Variants in TGFBRAP1 observed in about 807,000 individuals in gnomAD.
TGFBRAP1 encodes transforming growth factor beta receptor associated protein 1.
In TGFBRAP1, 20 loss-of-function variants were observed where a neutral mutation model predicts 83.2. The ratio of observed to expected loss-of-function variants is 0.24; its 90% confidence interval spans 0.17 to 0.35. The LOEUF is 0.35. Ranked by LOEUF, TGFBRAP1 falls within the 10% of genes least tolerant of loss-of-function variation. The pLI is 1.00. For missense variants in TGFBRAP1, 950 were observed against 1,099.4 expected (o/e 0.86, Z 1.92); for synonymous variants, 415 against 459.8 (o/e 0.90, Z 1.25).
chr2:105,273,740 CCTTTAA>C (rs1216472002), intron 8 of TGFBRAP1, 50 bp from the exon 9 acceptor site: 2 of 1,587,700 alleles, frequency 1.3e-6, no homozygotes, highest in African/African-American at 1.4e-5. Context: ...ACCCACCTTT[CCTTTAA>C]CTTTATTTTG....
At chr2:105,295,615 A>G (rs1009196043) in intron 4 of TGFBRAP1, among the ~76,000 whole-genome samples, 2 of 152,076 alleles carry the variant, frequency 1.3e-5, no homozygotes, top group Non-Finnish European at 2.9e-5. Context: ...GATCGAGACC[A>G]TCCTGGCCAA....
intron 1 of TGFBRAP1, among the ~76,000 whole-genome samples, chr2:105,316,462 T>TCC (rs1678869343): frequency 1.2e-5 from 1 of 84,816 alleles, no homozygotes; most frequent in African/African-American, 5.4e-5. Context: ...TGTGTGTGTG[T>TCC]GCGCGCGCGC....
chr2:105,328,767 C>G (rs895594805), intron 1 of TGFBRAP1, among the ~76,000 whole-genome samples: 6 of 152,226 alleles, frequency 3.9e-5, no homozygotes, highest in Admixed American at 3.9e-4. Context: ...GCGTGCAGTC[C>G]ACGTGCAGTA....
At chr2:105,262,633 G>C (rs1227954838), downstream of TGFBRAP1, among the ~76,000 whole-genome samples, 1 of 152,198 alleles carries the variant, frequency 6.6e-6, no homozygotes, top group Non-Finnish European at 1.5e-5. Flanking sequence ...GTGTGTCAGA[G>C]CCCCAAGAAG....
rs1335403222 is a variant in TGFBRAP1, at chr2:105,298,524, T to C, written c.870A>G (p.Leu290=). Residue 290 remains leucine (L), a synonymous_variant, in exon 3 of 12, where the codon CTA becomes CTG. Transcript: ENST00000393359. ...QTLPFKEGHI[L]QDFEGRVIVA... ...GTGAATGAGTACCTTCAAAGTCCTG[T>C]AGGATATGGCCCTCCTTAAAGGGCA... is the stretch of plus-strand genomic sequence containing the variant. The C allele has an allele frequency of 6.3e-7, 1 of 1,599,378 alleles. No homozygotes were observed. Among genetic ancestry groups the C allele is most frequent in the Admixed American group, 1.7e-5 (1 of 58,006 alleles).
chr2:105,318,709 A>G (rs6727677), intron 1 of TGFBRAP1, among the ~76,000 whole-genome samples: 26,022 of 152,216 alleles, frequency 0.17, 2,775 homozygotes, highest in Middle Eastern at 0.23. Flanking sequence ...TCAGGATATC[A>G]AAGTCCAATT....
At chr2:105,311,588 GA>G (rs200572876) in intron 1 of TGFBRAP1, among the ~76,000 whole-genome samples, 4 of 148,912 alleles carry the variant, frequency 2.7e-5, no homozygotes, top group African/African-American at 9.9e-5. Context: ...CTTTCACACA[GA>G]AAAAAAAAGA....
At chr2:105,257,260 T>C in the TGFBRAP1 span, among the ~76,000 whole-genome samples, 5 of 152,326 alleles carry the variant, frequency 3.3e-5, no homozygotes, top group African/African-American at 9.6e-5. Context: ...ATTTTCATAC[T>C]GTATTTTTTT....
the TGFBRAP1 span, among the ~76,000 whole-genome samples, chr2:105,253,257 C>G: frequency 1.1e-3 from 171 of 152,214 alleles, 4 homozygotes; most frequent in Admixed American, 9.8e-3. Context: ...CTCAGACTCC[C>G]GAGTAGGTGG....
chr2:105,297,521 A>G (rs1191691146), intron 3 of TGFBRAP1, among the ~76,000 whole-genome samples: 1 of 152,218 alleles, frequency 6.6e-6, no homozygotes, highest in East Asian at 1.9e-4. Context: ...CTTATCTCCT[A>G]TAAGCATCTA....
intron 4 of TGFBRAP1, among the ~76,000 whole-genome samples, chr2:105,285,052 C>T (rs2104346652): frequency 6.6e-6 from 1 of 152,342 alleles, no homozygotes; most frequent in African/African-American, 2.4e-5. Context: ...ATCCCACGCC[C>T]CACTCCGTCA....
chr2:105,299,211 G>T (rs982749013), intron 2 of TGFBRAP1, among the ~76,000 whole-genome samples: 1 of 152,084 alleles, frequency 6.6e-6, no homozygotes, highest in Admixed American at 6.6e-5. Flanking sequence ...AGCCCTGAAG[G>T]TCAAGGCTGC....
At position 105,269,158 on chromosome 2, in the gene TGFBRAP1, A is replaced by T; in HGVS notation, c.2406+114T>A. ...GTAGGATCAGATATTGATGTGTTGT[A>T]GTCATAGAGACAGAAAAAAGAAAAA... is the stretch of plus-strand genomic sequence containing the variant. On this transcript the variant is annotated intron_variant, in intron 11 of 11. Coordinates refer to ENST00000393359, the MANE Select transcript of TGFBRAP1 (RefSeq NM_004257.6). The surrounding 1 kb of genome is among the most constrained non-coding windows in gnomAD (Gnocchi z 4.1). 3 of 1,272,374 alleles carry T rather than the reference A, an allele frequency of 2.4e-6. No individual in the cohort carries two copies. Among genetic ancestry groups the T allele is most frequent in the Non-Finnish European group, 3.2e-6 (3 of 947,270 alleles). The allele number at this position is 1,272,374 out of a possible 1,614,324, so 78.8% of individuals were successfully genotyped here.
downstream of TGFBRAP1, among the ~76,000 whole-genome samples, chr2:105,262,279 G>T (rs2679839): frequency 6.6e-6 from 1 of 152,014 alleles, no homozygotes; most frequent in Admixed American, 6.5e-5. Context: ...AATCCCTCAC[G>T]AATTACCTCC....
chr2:105,319,353 C>T (rs561307438), intron 1 of TGFBRAP1, among the ~76,000 whole-genome samples: 37 of 149,566 alleles, frequency 2.5e-4, no homozygotes, highest in African/African-American at 8.5e-4. Flanking sequence ...TGAGCCACTG[C>T]GCCTGGCCAA....
chr2:105,255,741 C>A, the TGFBRAP1 span, among the ~76,000 whole-genome samples: 1 of 152,186 alleles, frequency 6.6e-6, no homozygotes, highest in Non-Finnish European at 1.5e-5. Context: ...AGGTACCAAA[C>A]AATTAGGGAA....
chr2:105,282,937 T>C (rs1677593465), intron 5 of TGFBRAP1, among the ~76,000 whole-genome samples: 2 of 152,026 alleles, frequency 1.3e-5, no homozygotes, highest in African/African-American at 4.8e-5. Flanking sequence ...TACAGGAATG[T>C]CATCCTAATA....
chr2:105,320,794 C>T (rs1420986424), intron 1 of TGFBRAP1, among the ~76,000 whole-genome samples: 2 of 152,208 alleles, frequency 1.3e-5, no homozygotes, highest in East Asian at 3.8e-4. Context: ...ACTCCACAAA[C>T]CAAGCAGTTG....
the TGFBRAP1 span, among the ~76,000 whole-genome samples, chr2:105,256,226 A>G: frequency 6.6e-6 from 1 of 152,154 alleles, no homozygotes; most frequent in East Asian, 1.9e-4. Context: ...CATAGCTCAA[A>G]TACTTGTATT....
Sources: gnomAD v4.1 joint callset for allele counts (sites outside exome capture counted in the v4.1 genomes callset) on GRCh38, gnomAD v4.1.1 for gene constraint, Gnocchi (gnomAD v3.1) non-coding constraint, MANE v1.5 for transcripts, NCBI Gene and HGNC (gene_info 2026-07-23, HGNC 2026-07-21) for gene names.